MCPH1: variants seen among roughly 807,000 people sequenced by gnomAD.
MCPH1 encodes microcephalin.
MCPH1 carries 104 observed loss-of-function variants against 84.5 expected under a neutral mutation model. The ratio of observed to expected loss-of-function variants is 1.23; its 90% confidence interval spans 1.05 to 1.45. The LOEUF is 1.45. Among genes scored for constraint, MCPH1 ranks in the 40% most tolerant of loss-of-function variants. MCPH1 has a pLI of 0.00. For missense variants in MCPH1, 1,498 were observed against 1,005.7 expected (o/e 1.49, Z -6.62); for synonymous variants, 514 against 366.8 (o/e 1.40, Z -4.58).
At chr8:6,513,703 G>T (rs773801274) in intron 12 of MCPH1, 1 of 1,612,320 alleles carries the variant, frequency 6.2e-7, no homozygotes, top group Non-Finnish European at 8.5e-7. Flanking sequence ...TCACTTGAGA[G>T]ATAGAAATGT....
Position 6,573,780 on chromosome 8 carries a change from C to T in MCPH1, c.2215-47674C>T, listed in dbSNP as rs74651343. ...CCACTCTCCAGAGCAGACAAGAAAA[C>T]ATGCCTGGATGTTAAACAGAACTAA... On this transcript the variant is annotated intron_variant, in intron 12 of 13. Transcript: ENST00000344683. Among the ~76,000 whole-genome samples, 1,060 of 152,306 alleles carry T rather than the reference C, an allele frequency of 7.0e-3. 17 individuals are homozygous for T. The highest frequency in any genetic ancestry group is 0.024 in the African/African-American group (1,014 of 41,568).
At chr8:6,527,424 C>G (rs952619911) in intron 12 of MCPH1, 14 of 1,113,358 alleles carry the variant, frequency 1.3e-5, no homozygotes, top group African/African-American at 4.7e-5. Context: ...CTTCTCCTCC[C>G]TCATGAGGTT....
intron 12 of MCPH1, among the ~76,000 whole-genome samples, chr8:6,514,030 G>T (rs1010855106): frequency 2.6e-5 from 4 of 152,148 alleles, no homozygotes; most frequent in Admixed American, 2.0e-4. Context: ...TAGACACTAA[G>T]CTGCTGCTGG....
intron 12 of MCPH1, among the ~76,000 whole-genome samples, chr8:6,581,067 A>T (rs1827530609): frequency 6.6e-6 from 1 of 152,230 alleles, no homozygotes; most frequent in African/African-American, 2.4e-5. Flanking sequence ...GGGATGATTT[A>T]AACTATGTGG....
At chr8:6,559,558 T>G (rs951126875) in intron 12 of MCPH1, among the ~76,000 whole-genome samples, 4 of 149,934 alleles carry the variant, frequency 2.7e-5, no homozygotes, top group Non-Finnish European at 4.5e-5. Context: ...GTAGTAGGCA[T>G]CAACTTTATT....
At chr8:6,610,024 C>T (rs1246792993) in intron 12 of MCPH1, among the ~76,000 whole-genome samples, 1 of 152,206 alleles carries the variant, frequency 6.6e-6, no homozygotes, top group Non-Finnish European at 1.5e-5. Context: ...ACGATACTCC[C>T]AGGCCTGACA....
At chr8:6,602,678 T>C (rs186276381) in intron 12 of MCPH1, among the ~76,000 whole-genome samples, 14 of 152,246 alleles carry the variant, frequency 9.2e-5, no homozygotes, top group Middle Eastern at 6.8e-3. Flanking sequence ...GCTTTCCTTG[T>C]TGTTTACAAG....
chr8:6,475,088 C>A (rs932185465), intron 9 of MCPH1, among the ~76,000 whole-genome samples: 3 of 152,176 alleles, frequency 2.0e-5, no homozygotes, highest in Admixed American at 1.3e-4. Flanking sequence ...TATTTCTAAG[C>A]CAGTCAGAAC....
intron 12 of MCPH1, among the ~76,000 whole-genome samples, chr8:6,517,657 C>T (rs1336281291): frequency 3.9e-5 from 6 of 152,134 alleles, no homozygotes; most frequent in Non-Finnish European, 5.9e-5. Context: ...ATTTACTGTC[C>T]CAAGTTCTAC....
At position 6,586,628 on chromosome 8, in the gene MCPH1, A is replaced by G. The variant is rs1305771412; in HGVS notation, c.2215-34826A>G. ...TGCAAAGAGAGCCTGAAATAAAGGC[A>G]AACAGTGAGAGACGGCCAGGAGAAA... is the stretch of plus-strand genomic sequence containing the variant. On this transcript the variant is annotated intron_variant, in intron 12 of 13. Coordinates refer to ENST00000344683, the MANE Select transcript of MCPH1 (RefSeq NM_024596.5). Among the ~76,000 whole-genome samples, 2 of 152,210 alleles carry G rather than the reference A, an allele frequency of 1.3e-5. 1 individual carries two copies. Among genetic ancestry groups the G allele is most frequent in the Non-Finnish European group, 2.9e-5 (2 of 68,042 alleles).
chr8:6,539,632 G>T (rs1473999643), intron 12 of MCPH1, among the ~76,000 whole-genome samples: 1 of 152,114 alleles, frequency 6.6e-6, no homozygotes, highest in African/African-American at 2.4e-5. Context: ...TGTCTCTCAG[G>T]CTGGAGTGCA....
chr8:6,592,239 C>T (rs955406981), intron 12 of MCPH1, among the ~76,000 whole-genome samples: 2 of 152,008 alleles, frequency 1.3e-5, no homozygotes, highest in African/African-American at 4.8e-5. Flanking sequence ...TGCAGCTCAA[C>T]CTCTCGGGCT....
At chr8:6,613,884 T>C (rs1830536328) in intron 12 of MCPH1, among the ~76,000 whole-genome samples, 1 of 152,076 alleles carries the variant, frequency 6.6e-6, no homozygotes, top group Non-Finnish European at 1.5e-5. Flanking sequence ...GATGCAGAGT[T>C]TCAGGAGCCT....
At chr8:6,460,268 T>A (rs1028501225) in intron 9 of MCPH1, among the ~76,000 whole-genome samples, 3 of 152,208 alleles carry the variant, frequency 2.0e-5, no homozygotes, top group East Asian at 1.9e-4. Flanking sequence ...ATGTCTTCTA[T>A]TGGTTTCTTT....
chr8:6,488,236 G>A (rs1379009344), intron 11 of MCPH1, among the ~76,000 whole-genome samples: 1 of 152,200 alleles, frequency 6.6e-6, no homozygotes, highest in Non-Finnish European at 1.5e-5. Flanking sequence ...GCTGCTCCTG[G>A]CAAGACCCCA....
chr8:6,584,450 C>A (rs2515528), intron 12 of MCPH1, among the ~76,000 whole-genome samples: 150,076 of 152,320 alleles, frequency 0.99, 73,963 homozygotes, highest in Middle Eastern at 1. Context: ...CTCTTACTGG[C>A]CAATTTTTTT....
chr8:6,483,946 A>G (rs763731287), intron 11 of MCPH1, among the ~76,000 whole-genome samples: 12 of 152,224 alleles, frequency 7.9e-5, no homozygotes, highest in Non-Finnish European at 1.6e-4. Flanking sequence ...TTACCTCCAA[A>G]TGGATCATAG....
chr8:6,427,824 G>A (rs559470204), intron 3 of MCPH1, among the ~76,000 whole-genome samples: 51 of 148,136 alleles, frequency 3.4e-4, no homozygotes, highest in South Asian at 6.3e-4. Flanking sequence ...ACGGAGTGTC[G>A]CTCTGTCGCC....
chr8:6,627,984 T>C, intron 13 of MCPH1, among the ~76,000 whole-genome samples: 1 of 152,158 alleles, frequency 6.6e-6, no homozygotes, highest in Middle Eastern at 3.2e-3. Flanking sequence ...AACAGTATTT[T>C]GCCATTAGCT....
Sources: allele counts gnomAD v4.1 joint callset (sites outside exome capture counted in the v4.1 genomes callset), GRCh38; gene constraint gnomAD v4.1.1; transcripts MANE v1.5; gene names NCBI Gene and HGNC (gene_info 2026-07-23, HGNC 2026-07-21).